The following VAV2 variants were observed in gnomAD, a reference collection of about 807,000 sequenced individuals.
The protein encoded by VAV2 is vav guanine nucleotide exchange factor 2, also known as guanine nucleotide exchange factor VAV2.
Under a neutral mutation model 132.5 loss-of-function variants are expected in VAV2, and 67 were observed. The observed-to-expected ratio is 0.51, with a 90% confidence interval of 0.42 to 0.62. The LOEUF (loss-of-function observed/expected upper bound fraction) is 0.62. VAV2 is among the 20% of genes least tolerant of loss of function. VAV2 has a pLI of 0.00. For missense variants in VAV2, 938 were observed against 1,153.6 expected (o/e 0.81, Z 2.71); for synonymous variants, 492 against 443.5 (o/e 1.11, Z -1.37).
intron 3 of VAV2, among the ~76,000 whole-genome samples, chr9:133,838,375 A>C (rs1335865709): frequency 6.9e-6 from 1 of 145,264 alleles, no homozygotes; most frequent in Non-Finnish European, 1.5e-5. Context: ...GGTGGAGGAT[A>C]GATGGCGGGG....
At chr9:133,952,735 G>A (rs995433302) in intron 1 of VAV2, among the ~76,000 whole-genome samples, 1 of 152,228 alleles carries the variant, frequency 6.6e-6, no homozygotes, top group African/African-American at 2.4e-5. Flanking sequence ...GCACAGATTG[G>A]CATGATGCAG....
intron 1 of VAV2, among the ~76,000 whole-genome samples, chr9:133,968,823 A>AC (rs894994157): frequency 6.6e-6 from 1 of 151,598 alleles, no homozygotes; most frequent in Non-Finnish European, 1.5e-5. Context: ...GTGTCTCGAG[A>AC]CCCCCGGCTG....
chr9:133,990,589 C>G lies in VAV2; in HGVS notation c.204+1486G>C, dbSNP rs369951347. ...CAAGCAGCAGGGAATCCTGCCCGAGCAAGTCAGCCTGGGCAGCCCCTGGAA... is the reference window on the plus strand; with the variant it reads ...CAAGCAGCAGGGAATCCTGCCCGAGGAAGTCAGCCTGGGCAGCCCCTGGAA... On this transcript the variant is annotated intron_variant, in intron 1 of 29. Transcript: ENST00000371850. Among the ~76,000 whole-genome samples, 16 of 152,336 alleles carry G rather than the reference C, an allele frequency of 1.1e-4. 1 individual carries two copies. In the East Asian group the frequency reaches 1.4e-3, roughly 13 times the overall value.
chr9:133,787,840 G>C (rs1346657692), intron 15 of VAV2, among the ~76,000 whole-genome samples: 1 of 143,458 alleles, frequency 7.0e-6, no homozygotes, highest in African/African-American at 2.8e-5. Flanking sequence ...CCCCACCCCT[G>C]CAGCCCTGGC....
chr9:133,931,356 GAGGACAGAGCTTTCC>G (rs1840681189), intron 2 of VAV2, among the ~76,000 whole-genome samples: 1 of 151,996 alleles, frequency 6.6e-6, no homozygotes, highest in South Asian at 2.1e-4. Flanking sequence ...AGGGACCAGG[GAGGACAGAGCTTTCC>G]CTCTGACAAC....
chr9:133,986,885 T>C (rs1588230773), intron 1 of VAV2, among the ~76,000 whole-genome samples: 2 of 152,142 alleles, frequency 1.3e-5, no homozygotes, highest in South Asian at 2.1e-4. Flanking sequence ...CAACATCCAC[T>C]GGGGTCCTTG....
intron 1 of VAV2, among the ~76,000 whole-genome samples, chr9:133,958,169 C>G (rs1229527076): frequency 7.3e-6 from 1 of 137,178 alleles, no homozygotes; most frequent in Non-Finnish European, 1.6e-5. Flanking sequence ...AAAGACCTGA[C>G]CGTCCCCCAG....
intron 2 of VAV2, among the ~76,000 whole-genome samples, chr9:133,903,051 G>A (rs1839503973): frequency 6.8e-6 from 1 of 147,266 alleles, no homozygotes; most frequent in Non-Finnish European, 1.5e-5. Context: ...CTCCAGCCTG[G>A]GCAACAAGAG....
At chr9:133,807,993 G>A (rs1022673627) in intron 7 of VAV2, among the ~76,000 whole-genome samples, 10 of 152,346 alleles carry the variant, frequency 6.6e-5, no homozygotes, top group African/African-American at 1.4e-4. Context: ...CTGCTGCACC[G>A]CTCCTTGGTC....
At chr9:133,838,210 C>T (rs1275632886) in intron 3 of VAV2, among the ~76,000 whole-genome samples, 1 of 151,912 alleles carries the variant, frequency 6.6e-6, no homozygotes, top group Non-Finnish European at 1.5e-5. Flanking sequence ...CCCCCACCCT[C>T]CCACCATTCA....
At chr9:133,937,711 A>C (rs1052367529) in intron 2 of VAV2, among the ~76,000 whole-genome samples, 9 of 152,212 alleles carry the variant, frequency 5.9e-5, no homozygotes, top group Non-Finnish European at 1.3e-4. Flanking sequence ...AGCCACTTAC[A>C]GGAAAGAAAC....
chr9:133,834,173 C>T lies in VAV2; in HGVS notation c.449+99G>A. ...GAAGGGCCAGGGCCAGCTCTGCCTGCACTGTGGCCGCCATGTTTCCTCCTG... is the reference window on the plus strand; with the variant it reads ...GAAGGGCCAGGGCCAGCTCTGCCTGTACTGTGGCCGCCATGTTTCCTCCTG... On this transcript the variant is annotated intron_variant, in intron 4 of 29. Coordinates refer to ENST00000371850, the MANE Select transcript of VAV2 (RefSeq NM_001134398.2). The surrounding 1 kb of genome is among the most constrained non-coding windows in gnomAD (Gnocchi z 5.9). The T allele has an allele frequency of 1.5e-6, 2 of 1,378,582 alleles. No individual in the cohort carries two copies. The highest frequency in any genetic ancestry group is 2.7e-5 in the South Asian group (2 of 75,240). The allele number at this position is 1,378,582 out of a possible 1,614,324, so 85.4% of individuals were successfully genotyped here.
rs1588370284 is a variant in VAV2, at chr9:133,919,286, T to C, written c.321+19817A>G. On this transcript the variant is annotated intron_variant, in intron 2 of 29. Coordinates refer to ENST00000371850, the MANE Select transcript of VAV2 (RefSeq NM_001134398.2). This position sits in a 1 kb window ranked among gnomAD's most constrained non-coding sequence, Gnocchi z 5.8. ...AGCTTCTCTGGGGCTGGCACCTGAGTTTCACAGCAATCCTGCTAAGCTGGC... is the reference window on the plus strand; with the variant it reads ...AGCTTCTCTGGGGCTGGCACCTGAGCTTCACAGCAATCCTGCTAAGCTGGC... Among the ~76,000 whole-genome samples, 1 of 152,038 alleles carries C rather than the reference T, an allele frequency of 6.6e-6. No individual in the cohort carries two copies. The highest frequency in any genetic ancestry group is 1.5e-5 in the Non-Finnish European group (1 of 68,014).
intron 4 of VAV2, among the ~76,000 whole-genome samples, chr9:133,821,673 AG>A (rs1835791975): frequency 6.6e-6 from 1 of 152,192 alleles, no homozygotes; most frequent in African/African-American, 2.4e-5. Context: ...GAGACTAAAA[AG>A]TTGGATGGGG....
intron 1 of VAV2, among the ~76,000 whole-genome samples, chr9:133,959,383 C>T (rs1255568639): frequency 6.6e-6 from 1 of 152,142 alleles, no homozygotes; most frequent in East Asian, 1.9e-4. Context: ...AAGCTCCTGC[C>T]CACCCTCTGC....
chr9:133,985,104 GAC>G (rs977519850), intron 1 of VAV2, among the ~76,000 whole-genome samples: 2 of 152,146 alleles, frequency 1.3e-5, no homozygotes, highest in African/African-American at 2.4e-5. Context: ...TGGATACAGA[GAC>G]ACATACATAA....
intron 9 of VAV2, among the ~76,000 whole-genome samples, chr9:133,801,655 C>A (rs1834934066): frequency 6.6e-6 from 1 of 152,210 alleles, no homozygotes; most frequent in African/African-American, 2.4e-5. Flanking sequence ...TAGAGCCTCA[C>A]ACTGTGACCT....
intron 1 of VAV2, among the ~76,000 whole-genome samples, chr9:133,971,286 T>G (rs1385443939): frequency 2.0e-5 from 3 of 152,168 alleles, no homozygotes; most frequent in African/African-American, 7.2e-5. Flanking sequence ...GGTGTTTAAC[T>G]GATCCTGATC....
chr9:133,907,972 C>A (rs1839731532), intron 2 of VAV2, among the ~76,000 whole-genome samples: 1 of 119,336 alleles, frequency 8.4e-6, no homozygotes, highest in African/African-American at 3.2e-5. Context: ...GGTCTGAAGG[C>A]GCCCCTCCCA....
Sources: gnomAD v4.1 joint callset for allele counts (sites outside exome capture counted in the v4.1 genomes callset) on GRCh38, gnomAD v4.1.1 for gene constraint, Gnocchi (gnomAD v3.1) non-coding constraint, MANE v1.5 for transcripts, NCBI Gene and HGNC (gene_info 2026-07-23, HGNC 2026-07-21) for gene names.